The following PDE4D variants were observed in gnomAD, a reference collection of about 807,000 sequenced individuals.
PDE4D encodes phosphodiesterase 4D.
In PDE4D, 24 loss-of-function variants were observed where a neutral mutation model predicts 87.4. That is an observed-to-expected ratio of 0.27 (90% CI 0.20 to 0.39). The LOEUF is 0.39. PDE4D is among the 10% of genes least tolerant of loss of function. The pLI is 1.00. For synonymous variants in PDE4D, 384 were observed against 383.2 expected (o/e 1.00, Z -0.02); for missense variants, 714 against 1,041.0 (o/e 0.69, Z 4.32).
chr5:59,454,726 G>C (rs1366389819), intron 1 of PDE4D, among the ~76,000 whole-genome samples: 2 of 152,186 alleles, frequency 1.3e-5, no homozygotes, highest in Non-Finnish European at 2.9e-5. Flanking sequence ...ATGTGGGAAA[G>C]TTTGAAACTT....
intron 1 of PDE4D, among the ~76,000 whole-genome samples, chr5:60,311,029 T>A (rs1754984211): frequency 6.6e-6 from 1 of 151,960 alleles, no homozygotes; most frequent in Non-Finnish European, 1.5e-5. Flanking sequence ...TTTTTTTTTT[T>A]TTTTTGAGGT....
At chr5:59,533,341 G>A (rs1458890461) in intron 1 of PDE4D, among the ~76,000 whole-genome samples, 1 of 152,128 alleles carries the variant, frequency 6.6e-6, no homozygotes, top group Non-Finnish European at 1.5e-5. Context: ...ATATTTACTA[G>A]AAGACTAAAA....
intron 2 of PDE4D, among the ~76,000 whole-genome samples, chr5:59,194,827 C>T (rs1160797523): frequency 6.6e-6 from 1 of 152,120 alleles, no homozygotes; most frequent in Non-Finnish European, 1.5e-5. Context: ...GTGGTAGAGG[C>T]AGGATGTCAA....
intron 1 of PDE4D, among the ~76,000 whole-genome samples, chr5:59,741,025 G>A (rs1245932806): frequency 6.6e-6 from 1 of 152,094 alleles, no homozygotes; most frequent in Non-Finnish European, 1.5e-5. Flanking sequence ...AAAAATACCA[G>A]AAAGACAAAA....
At chr5:59,091,484 C>T (rs62356690) in intron 5 of PDE4D, among the ~76,000 whole-genome samples, 1 of 151,856 alleles carries the variant, frequency 6.6e-6, no homozygotes, top group Non-Finnish European at 1.5e-5. Context: ...CAGCTACATA[C>T]AACATTGATG....
At chr5:59,663,199 CT>C (rs916237637) in intron 1 of PDE4D, among the ~76,000 whole-genome samples, 21 of 151,970 alleles carry the variant, frequency 1.4e-4, no homozygotes, top group African/African-American at 4.8e-4. Context: ...GAGTCTCACT[CT>C]GTCTCCAAGG....
intron 1 of PDE4D, among the ~76,000 whole-genome samples, chr5:59,477,800 A>G (rs1347299507): frequency 6.6e-6 from 1 of 152,026 alleles, no homozygotes; most frequent in Non-Finnish European, 1.5e-5. Context: ...AACCCACCCT[A>G]TCAGTGGTGG....
intron 3 of PDE4D, 131 bp from the exon 4 acceptor site, chr5:59,185,393 C>A: frequency 1.6e-6 from 1 of 629,328 alleles, no homozygotes; most frequent in South Asian, 2.2e-5. Flanking sequence ...AATCTCCCAA[C>A]ACTTAGTGCA....
chr5:58,973,808 T>C lies in PDE4D; in HGVS notation c.*856A>G, dbSNP rs545678251. 3 of 152,594 alleles carry C rather than the reference T, an allele frequency of 2.0e-5. No individual in the cohort carries two copies. Among genetic ancestry groups the C allele is most frequent in the Non-Finnish European group, 4.4e-5 (3 of 68,020 alleles). The allele number at this position is 152,594 out of a possible 1,614,324, so 9.5% of individuals were successfully genotyped here. ...AATAATAAAGACTTACAAAAAGGGT[T>C]TCCTGCAACATAAAGTTGTTTTTCT... On this transcript the variant is annotated 3_prime_UTR_variant, in exon 15 of 15. Coordinates refer to ENST00000340635, the MANE Select transcript of PDE4D (RefSeq NM_001104631.2).
chr5:59,155,968 A>C (rs1780117147), intron 5 of PDE4D, among the ~76,000 whole-genome samples: 1 of 152,088 alleles, frequency 6.6e-6, no homozygotes, highest in Non-Finnish European at 1.5e-5. Flanking sequence ...CTGGTTTGGG[A>C]GGCTTAAGAG....
At chr5:59,440,445 G>A (rs1201049125) in intron 1 of PDE4D, among the ~76,000 whole-genome samples, 3 of 152,054 alleles carry the variant, frequency 2.0e-5, no homozygotes, top group Admixed American at 2.0e-4. Flanking sequence ...AATATCTATT[G>A]AACATTTACT....
chr5:59,945,620 A>G (rs555218074), intron 3 of PDE4D, among the ~76,000 whole-genome samples: 1 of 152,288 alleles, frequency 6.6e-6, no homozygotes, highest in South Asian at 2.1e-4. Flanking sequence ...GCTTTACTCA[A>G]TTGTTGCTTT....
intron 5 of PDE4D, among the ~76,000 whole-genome samples, chr5:59,118,724 T>A (rs1774016049): frequency 6.6e-6 from 1 of 152,226 alleles, no homozygotes; most frequent in Non-Finnish European, 1.5e-5. Context: ...ATGTCTGTAC[T>A]TGCTGGTATG....
chr5:60,042,477 C>T (rs1029702821), intron 2 of PDE4D, among the ~76,000 whole-genome samples: 2 of 152,214 alleles, frequency 1.3e-5, no homozygotes, highest in Non-Finnish European at 2.9e-5. Flanking sequence ...AAATGGGTCC[C>T]TCACCCCCGT....
At chr5:59,014,951 C>T (rs1158042937) in intron 6 of PDE4D, among the ~76,000 whole-genome samples, 1 of 152,004 alleles carries the variant, frequency 6.6e-6, no homozygotes, top group Non-Finnish European at 1.5e-5. Flanking sequence ...CAGAATAGAG[C>T]CCTCAGAAAT....
At chr5:59,383,222 C>T (rs1582276643) in intron 1 of PDE4D, among the ~76,000 whole-genome samples, 1 of 152,212 alleles carries the variant, frequency 6.6e-6, no homozygotes, top group East Asian at 1.9e-4. Flanking sequence ...TCTCTACATC[C>T]CATATATTCA....
intron 2 of PDE4D, among the ~76,000 whole-genome samples, chr5:59,202,156 C>T (rs988515101): frequency 5.3e-5 from 8 of 150,562 alleles, no homozygotes; most frequent in Admixed American, 2.7e-4. Context: ...TCTCCTGCCT[C>T]AGCCTCTGGA....
chr5:60,087,992 T>C (rs965699070), intron 2 of PDE4D, among the ~76,000 whole-genome samples: 1 of 151,930 alleles, frequency 6.6e-6, no homozygotes, highest in Admixed American at 6.6e-5. Flanking sequence ...AAAGAATACT[T>C]TAAGCAGCAA....
At chr5:59,333,623 C>T (rs1413852100) in intron 1 of PDE4D, among the ~76,000 whole-genome samples, 1 of 152,138 alleles carries the variant, frequency 6.6e-6, no homozygotes, top group Non-Finnish European at 1.5e-5. Context: ...TTAAAATCAG[C>T]AGTTTTAATG....
Sources: allele counts gnomAD v4.1 joint callset (sites outside exome capture counted in the v4.1 genomes callset), GRCh38; gene constraint gnomAD v4.1.1; transcripts MANE v1.5; gene names NCBI Gene and HGNC (gene_info 2026-07-23, HGNC 2026-07-21).